Variants in RORA observed in about 807,000 individuals in gnomAD.
RORA encodes nuclear receptor ROR-alpha.
Under a neutral mutation model 69.5 loss-of-function variants are expected in RORA, and 7 were observed. That is an observed-to-expected ratio of 0.10 (90% CI 0.06 to 0.19). The LOEUF (loss-of-function observed/expected upper bound fraction) is 0.19, where lower values mean the gene tolerates loss of function less well. RORA is among the 10% of genes least tolerant of loss of function. RORA has a pLI of 1.00. For synonymous variants in RORA, 261 were observed against 240.8 expected (o/e 1.08, Z -0.78); for missense variants, 457 against 663.0 (o/e 0.69, Z 3.41).
At chr15:60,843,905 G>A (rs1458565537) in intron 1 of RORA, among the ~76,000 whole-genome samples, 1 of 152,200 alleles carries the variant, frequency 6.6e-6, no homozygotes, top group Non-Finnish European at 1.5e-5. Flanking sequence ...TTCCTCAGCT[G>A]GGCTGGCCCA....
intron 1 of RORA, among the ~76,000 whole-genome samples, chr15:60,867,124 C>T (rs553257300): frequency 5.9e-5 from 9 of 152,292 alleles, no homozygotes; most frequent in South Asian, 2.1e-4. Flanking sequence ...CCTAGACCTC[C>T]CAAAGTGCTA....
chr15:60,670,201 C>CTTTT (rs60799050), intron 2 of RORA, among the ~76,000 whole-genome samples: 2 of 126,106 alleles, frequency 1.6e-5, no homozygotes, highest in Non-Finnish European at 1.6e-5. Context: ...TATCCTACCT[C>CTTTT]TTTTTTTTTT....
chr15:60,979,149 A>G (rs1350279990), intron 1 of RORA, among the ~76,000 whole-genome samples: 1 of 151,220 alleles, frequency 6.6e-6, no homozygotes, highest in Admixed American at 6.6e-5. Flanking sequence ...TATTTTTAGT[A>G]GAGACGGGGT....
chr15:60,588,868 G>A (rs2068416326), intron 2 of RORA, among the ~76,000 whole-genome samples: 2 of 152,156 alleles, frequency 1.3e-5, no homozygotes, highest in African/African-American at 2.4e-5. Context: ...TGTATCTCAA[G>A]TAACGTGATT....
chr15:60,701,590 C>T (rs2070982181), intron 1 of RORA, among the ~76,000 whole-genome samples: 1 of 152,318 alleles, frequency 6.6e-6, no homozygotes, highest in Admixed American at 6.5e-5. Context: ...CAATATTTAT[C>T]CATCACCTAC....
chr15:60,602,192 G>A (rs2068830013), intron 2 of RORA, among the ~76,000 whole-genome samples: 1 of 152,088 alleles, frequency 6.6e-6, no homozygotes, highest in African/African-American at 2.4e-5. Context: ...TATAAACAGG[G>A]AAGAATAAAA....
At chr15:60,900,282 T>G (rs938494393) in intron 1 of RORA, among the ~76,000 whole-genome samples, 1 of 144,918 alleles carries the variant, frequency 6.9e-6, no homozygotes, top group Non-Finnish European at 1.5e-5. Flanking sequence ...CATACAGATT[T>G]CGGTACGCAC....
intron 1 of RORA, among the ~76,000 whole-genome samples, chr15:60,914,919 T>G (rs528345006): frequency 6.6e-6 from 1 of 152,290 alleles, no homozygotes; most frequent in South Asian, 2.1e-4. Flanking sequence ...TAATGTTTCT[T>G]TGGCACTTAT....
intron 2 of RORA, among the ~76,000 whole-genome samples, chr15:60,532,139 C>T (rs561102870): frequency 2.6e-5 from 4 of 152,256 alleles, no homozygotes; most frequent in Middle Eastern, 3.4e-3. Context: ...CTGGAGAGTT[C>T]GCAGTTTAGG....
intron 2 of RORA, among the ~76,000 whole-genome samples, chr15:60,625,678 C>T (rs914933751): frequency 6.6e-6 from 1 of 152,034 alleles, no homozygotes; most frequent in Non-Finnish European, 1.5e-5. Flanking sequence ...AAAGATGTGG[C>T]GTGAATTGAA....
At position 61,147,758 on chromosome 15, in the gene RORA, C is replaced by T. The variant is rs566763551; in HGVS notation, c.166+81295G>A. ...AAGGTTGATGGTCAGTAGGCACGTG[C>T]GCACACGCGTGTGTGTGTGTGTGTG... On this transcript the variant is annotated intron_variant, in intron 1 of 10. Coordinates refer to ENST00000335670, the MANE Select transcript of RORA (RefSeq NM_134261.3). The surrounding 1 kb of genome is among the most constrained non-coding windows in gnomAD (Gnocchi z 4.1). Among the ~76,000 whole-genome samples the T allele has an allele frequency of 2.6e-4, 17 of 66,094 alleles. No homozygotes were observed. Among genetic ancestry groups the T allele is most frequent in the Admixed American group, 9.1e-4 (7 of 7,710 alleles). 43.4% of individuals were successfully genotyped at this position (66,094 alleles called of 152,430 possible). A position where few individuals can be genotyped will look rare whatever the true frequency, so the allele number is the denominator to read the frequency against.
chr15:61,046,765 G>C (rs1395232891), intron 1 of RORA, among the ~76,000 whole-genome samples: 1 of 152,156 alleles, frequency 6.6e-6, no homozygotes, highest in East Asian at 1.9e-4. Context: ...TCAACAGAGA[G>C]GGAAAAAACA....
chr15:61,016,143 T>C (rs1431671700), intron 1 of RORA, among the ~76,000 whole-genome samples: 1 of 152,204 alleles, frequency 6.6e-6, no homozygotes, highest in Non-Finnish European at 1.5e-5. Flanking sequence ...TACCACAATG[T>C]AGAGTGAGTT....
chr15:60,828,170 G>C (rs908704810), intron 1 of RORA, among the ~76,000 whole-genome samples: 1 of 152,162 alleles, frequency 6.6e-6, no homozygotes, highest in Non-Finnish European at 1.5e-5. Flanking sequence ...AGGGAGTGGC[G>C]GTAGCTGTGA....
intron 1 of RORA, among the ~76,000 whole-genome samples, chr15:60,957,421 T>C (rs964898181): frequency 1.3e-5 from 2 of 152,218 alleles, no homozygotes; most frequent in African/African-American, 2.4e-5. Context: ...AGGGCTATGA[T>C]TGTAGCTGTT....
chr15:61,038,607 C>T (rs1241438645), intron 1 of RORA, among the ~76,000 whole-genome samples: 2 of 152,216 alleles, frequency 1.3e-5, no homozygotes, highest in African/African-American at 4.8e-5. Context: ...CCAGAAGCAA[C>T]ACGAGAAAAT....
At chr15:60,810,165 A>C (rs2072721469) in intron 1 of RORA, among the ~76,000 whole-genome samples, 1 of 152,130 alleles carries the variant, frequency 6.6e-6, no homozygotes, top group African/African-American at 2.4e-5. Flanking sequence ...GTAAGCTAAC[A>C]TTTTGGAGAC....
At chr15:61,146,166 C>T (rs1162748696) in intron 1 of RORA, among the ~76,000 whole-genome samples, 1 of 152,096 alleles carries the variant, frequency 6.6e-6, no homozygotes, top group Non-Finnish European at 1.5e-5. Flanking sequence ...AAAAATATGT[C>T]GAGGATTTTT....
intron 1 of RORA, among the ~76,000 whole-genome samples, chr15:60,820,058 C>T (rs1193164087): frequency 5.9e-5 from 9 of 152,242 alleles, no homozygotes; most frequent in Admixed American, 1.3e-4. Flanking sequence ...CGTGTGCACG[C>T]GGTCCTCCCC....
Sources: allele counts gnomAD v4.1 joint callset (sites outside exome capture counted in the v4.1 genomes callset), GRCh38; gene constraint gnomAD v4.1.1; non-coding constraint Gnocchi (gnomAD v3.1); transcripts MANE v1.5; gene names NCBI Gene and HGNC (gene_info 2026-07-23, HGNC 2026-07-21).